Variants in DNAH8 observed in about 807,000 individuals in gnomAD.
The protein encoded by DNAH8 is axonemal beta dynein heavy chain 8.
In DNAH8, 382 loss-of-function variants were observed where a neutral mutation model predicts 562.1. The ratio of observed to expected loss-of-function variants is 0.68; its 90% CI spans 0.63 to 0.74. The LOEUF (loss-of-function observed/expected upper bound fraction) is 0.74, where lower values mean the gene tolerates loss of function less well. Among genes scored for constraint, DNAH8 ranks in the 30% least tolerant of loss-of-function variants. The pLI, the probability that DNAH8 is intolerant of heterozygous loss-of-function variation, is 0.00. For synonymous variants in DNAH8, 1,881 were observed against 1,919.4 expected (o/e 0.98, Z 0.52); for missense variants, 5,203 against 5,620.4 (o/e 0.93, Z 2.37).
chr6:38,883,977 G>T lies in DNAH8; in HGVS notation c.8238G>T (p.Val2746=). The part of the protein sequence containing the change: ...TVFIDDINMP[V]INEWGDQITN... ...TTATTGATGATATTAATATGCCTGT[G>T]ATTAATGAGTGGGGAGATCAGGTAT... Residue 2746 remains valine (V), a synonymous_variant, in exon 56 of 93, where the codon GTG becomes GTT. Transcript: ENST00000327475. 1 of 1,571,680 alleles carries T rather than the reference G, an allele frequency of 6.4e-7. No individual in the cohort carries two copies. Among genetic ancestry groups the T allele is most frequent in the Non-Finnish European group, 8.6e-7 (1 of 1,156,970 alleles).
Position 38,828,230 on chromosome 6 carries a change from A to T in DNAH8, c.4130A>T (p.Glu1377Val), listed in dbSNP as rs1156925265. 6.3e-7 allele frequency: 1 copy of T among 1,597,268 alleles called. No homozygotes were observed. Among genetic ancestry groups the T allele is most frequent in the Non-Finnish European group, 8.5e-7 (1 of 1,173,518 alleles). Residue 1377 changes from glutamate to valine, a missense_variant, in exon 30 of 93, where the codon GAA becomes GTA. Transcript: ENST00000327475. ...AGATTTGAAGTTGAAGTAACCAAAGAAGAATCAGAAGCAGTTGATACCTTA... is the reference window on the plus strand; with the variant it reads ...AGATTTGAAGTTGAAGTAACCAAAGTAGAATCAGAAGCAGTTGATACCTTA... ...LNRFEVEVTK[E>V]ESEAVDTLRY...
intron 18 of DNAH8, 53 bp from the exon 19 acceptor site, chr6:38,789,750 A>C: frequency 3.7e-6 from 5 of 1,338,106 alleles, no homozygotes; most frequent in Non-Finnish European, 5.3e-6. Flanking sequence ...TCAAAATGTG[A>C]CTGCTACTTT....
chr6:38,761,578 G>A, intron 10 of DNAH8, 124 bp from the exon 11 acceptor site: 1 of 496,316 alleles, frequency 2.0e-6, no homozygotes, highest in Non-Finnish European at 3.3e-6. Flanking sequence ...TTACAGGCAT[G>A]AGCCACTGCA....
intron 66 of DNAH8, among the ~76,000 whole-genome samples, chr6:38,913,047 C>A (rs1781021124): frequency 6.6e-6 from 1 of 152,190 alleles, no homozygotes. Flanking sequence ...CTCAGGTGAT[C>A]CACCCGCCTT....
At chr6:38,925,962 A>G (rs1288116062) in intron 73 of DNAH8, 93 bp from the exon 74 acceptor site, 1 of 1,195,280 alleles carries the variant, frequency 8.4e-7, no homozygotes. Context: ...TAATGTCCAC[A>G]TTTTAAATTA....
intron 77 of DNAH8, 69 bp from the exon 78 acceptor site, chr6:38,937,905 A>G: frequency 6.6e-7 from 1 of 1,503,796 alleles, no homozygotes; most frequent in Non-Finnish European, 9.0e-7. Flanking sequence ...TTTTTTTTTC[A>G]GAAGAGATGT....
At chr6:38,836,091 G>T (rs991897522) in intron 32 of DNAH8, among the ~76,000 whole-genome samples, 2 of 152,076 alleles carry the variant, frequency 1.3e-5, no homozygotes, top group African/African-American at 4.8e-5. Context: ...AAAGTTAAAG[G>T]TTTCCAACTT....
intron 49 of DNAH8, 45 bp downstream of exon 49, chr6:38,870,607 T>C (rs1777398037): frequency 1.3e-6 from 2 of 1,553,152 alleles, no homozygotes; most frequent in African/African-American, 1.4e-5. Flanking sequence ...TAAGTATGTG[T>C]TAAACATTCC....
intron 33 of DNAH8, among the ~76,000 whole-genome samples, chr6:38,840,239 C>T (rs1056787988): frequency 5.3e-5 from 8 of 152,148 alleles, no homozygotes; most frequent in African/African-American, 1.7e-4. Context: ...GTTGAAAACT[C>T]GGACAGTCAT....
At chr6:38,837,188 T>C (rs772381222) in intron 32 of DNAH8, among the ~76,000 whole-genome samples, 5 of 152,136 alleles carry the variant, frequency 3.3e-5, no homozygotes, top group Non-Finnish European at 5.9e-5. Flanking sequence ...CTGATCTGGG[T>C]CCTGTAAAAT....
rs774564013 is a variant in DNAH8, at chr6:38,832,308, C to CT, written c.4189-8dup. Reference sequence around the variant, plus strand: ...TACTTTCACTCTCAGGTTGAATATTCTTTTTTATTGTAGGTTTCAGTACAA... The same window carrying CT: ...TACTTTCACTCTCAGGTTGAATATTCTTTTTTTATTGTAGGTTTCAGTACAA... On this transcript the variant is annotated splice_polypyrimidine_tract_variant and intron_variant, in intron 30 of 92. Coordinates refer to ENST00000327475, the MANE Select transcript of DNAH8 (RefSeq NM_001206927.2). 32 of 1,538,400 alleles carry CT rather than the reference C, an allele frequency of 2.1e-5. No homozygotes were observed. In the South Asian group the frequency reaches 3.4e-4, roughly 16 times the overall value.
intron 21 of DNAH8, among the ~76,000 whole-genome samples, chr6:38,794,865 T>TG (rs1322968503): frequency 1.4e-4 from 3 of 22,108 alleles, no homozygotes; most frequent in Non-Finnish European, 2.8e-4. Flanking sequence ...AGAATTCTTG[T>TG]AAATTTTTTT....
intron 9 of DNAH8, among the ~76,000 whole-genome samples, chr6:38,751,110 G>A (rs542733994): frequency 6.6e-6 from 1 of 152,310 alleles, no homozygotes; most frequent in South Asian, 2.1e-4. Flanking sequence ...ATAGCTAAGA[G>A]CTTCTGCTTC....
chr6:38,920,983 G>A (rs942596257), intron 70 of DNAH8, among the ~76,000 whole-genome samples: 5 of 152,042 alleles, frequency 3.3e-5, no homozygotes, highest in African/African-American at 4.8e-5. Context: ...CTCGACCTCC[G>A]GGGCCCAAGT....
At chr6:38,913,818 A>G in intron 66 of DNAH8, 31 bp from the exon 67 acceptor site, 3 of 1,496,016 alleles carry the variant, frequency 2.0e-6, no homozygotes, top group African/African-American at 2.8e-5. Context: ...ACCTGTACTC[A>G]GTAAAGGTAT....
At chr6:38,781,196 T>G in intron 15 of DNAH8, 58 bp from the exon 16 acceptor site, 11 of 1,573,114 alleles carry the variant, frequency 7.0e-6, no homozygotes, top group Non-Finnish European at 9.6e-6. Context: ...GCTGTATATA[T>G]TTTTTGCCTT....
At chr6:38,863,461 A>G (rs927669478) in intron 44 of DNAH8, among the ~76,000 whole-genome samples, 2 of 151,844 alleles carry the variant, frequency 1.3e-5, no homozygotes, top group Non-Finnish European at 2.9e-5. Flanking sequence ...ACAAAAACAA[A>G]AAACCCCAAA....
intron 58 of DNAH8, among the ~76,000 whole-genome samples, chr6:38,891,583 G>A (rs774388116): frequency 3.3e-5 from 5 of 152,204 alleles, no homozygotes; most frequent in Admixed American, 6.5e-5. Context: ...GCTCTTCCAT[G>A]TGGCCACCTT....
chr6:39,020,164 C>T (rs948020121), intron 91 of DNAH8, among the ~76,000 whole-genome samples: 2 of 152,142 alleles, frequency 1.3e-5, no homozygotes, highest in African/African-American at 4.8e-5. Flanking sequence ...TCCCAACTCT[C>T]CTGTTTATAC....
Sources: gnomAD v4.1 joint callset for allele counts (sites outside exome capture counted in the v4.1 genomes callset) on GRCh38, gnomAD v4.1.1 for gene constraint, MANE v1.5 for transcripts, NCBI Gene and HGNC (gene_info 2026-07-23, HGNC 2026-07-21) for gene names.